Variants in NDUFV2 observed in about 807,000 individuals in gnomAD.
The protein encoded by NDUFV2 is NADH:ubiquinone oxidoreductase core subunit V2.
A neutral mutation model predicts 31.6 loss-of-function variants in NDUFV2; 18 were observed. The ratio of observed to expected loss-of-function variants is 0.57; its 90% CI spans 0.39 to 0.84. NDUFV2 has a LOEUF of 0.84. NDUFV2 is among the 40% of genes least tolerant of loss of function. The pLI, the probability that NDUFV2 is intolerant of heterozygous loss-of-function variation, is 0.00. For missense variants in NDUFV2, 314 were observed against 303.6 expected, an observed-to-expected ratio of 1.03 and a Z score of -0.26; for synonymous variants, 83 against 99.8, an observed-to-expected ratio of 0.83 and a Z score of 1.01.
chr18:9,108,950 A>G (rs752415275), intron 1 of NDUFV2, among the ~76,000 whole-genome samples: 17 of 152,158 alleles, frequency 1.1e-4, no homozygotes, highest in African/African-American at 3.1e-4. Context: ...CTCGGCTCTC[A>G]AAGTGCTGGG....
intron 4 of NDUFV2, among the ~76,000 whole-genome samples, chr18:9,122,157 AGAT>A (rs1474422919): frequency 6.6e-6 from 1 of 152,208 alleles, no homozygotes; most frequent in Non-Finnish European, 1.5e-5. Context: ...CCATTTAGAC[AGAT>A]TATAAAATGT....
At chr18:9,127,121 A>G (rs1366398357) in intron 7 of NDUFV2, among the ~76,000 whole-genome samples, 1 of 152,220 alleles carries the variant, frequency 6.6e-6, no homozygotes, top group Non-Finnish European at 1.5e-5. Context: ...ATAGAGAAGG[A>G]AATTTTACTA....
At chr18:9,119,279 A>G in intron 2 of NDUFV2, 47 bp from the exon 3 acceptor site, 1 of 1,418,650 alleles carries the variant, frequency 7.0e-7, no homozygotes. Context: ...TGTCATTCAC[A>G]CTTGAGAGAA....
At chr18:9,111,004 C>G (rs2077867270) in intron 1 of NDUFV2, among the ~76,000 whole-genome samples, 1 of 152,184 alleles carries the variant, frequency 6.6e-6, no homozygotes, top group Non-Finnish European at 1.5e-5. Context: ...TTAACAGGAG[C>G]ATTGTAAGCC....
chr18:9,133,970 AT>A (rs1329324500), intron 7 of NDUFV2, among the ~76,000 whole-genome samples: 2 of 152,138 alleles, frequency 1.3e-5, no homozygotes, highest in Admixed American at 6.5e-5. Flanking sequence ...CTACTTTTGT[AT>A]TTTTTATGTT....
At position 9,131,766 on chromosome 18, in the gene NDUFV2, C is replaced by T. The variant is rs143477394; in HGVS notation, c.657-2420C>T. On this transcript the variant is annotated intron_variant, in intron 7 of 7. Transcript: ENST00000318388. ...TATAGTGTTGGAATGACTGACGAAC[C>T]ATACTTTTTAAATTTTAGTGAAGAT... Among the ~76,000 whole-genome samples, 906 of 152,178 alleles carry T rather than the reference C, an allele frequency of 6.0e-3. 11 individuals carry two copies. The highest frequency in any genetic ancestry group is 0.021 in the African/African-American group (862 of 41,492).
At chr18:9,129,068 G>C (rs2078017314) in intron 7 of NDUFV2, among the ~76,000 whole-genome samples, 1 of 152,134 alleles carries the variant, frequency 6.6e-6, no homozygotes, top group Non-Finnish European at 1.5e-5. Flanking sequence ...CTCCCGAGCA[G>C]CTGGGACTAT....
chr18:9,123,511 A>G (rs1347074046), intron 5 of NDUFV2, among the ~76,000 whole-genome samples: 15 of 151,182 alleles, frequency 9.9e-5, no homozygotes, highest in Admixed American at 9.9e-4. Flanking sequence ...TTTTGAGTTG[A>G]GGTCTCACTT....
chr18:9,122,535 C>T lies in NDUFV2; in HGVS notation c.323C>T (p.Pro108Leu). 2 of 1,613,656 alleles carry T rather than the reference C, an allele frequency of 1.2e-6. No homozygotes were observed. The highest frequency in any genetic ancestry group is 1.7e-6 in the Non-Finnish European group (2 of 1,179,684). ...TAGGTTGCAGAAGTTTTACAAGTAC[C>T]TCCAATGAGAGTATATGAAGTAGCA... The part of the protein sequence containing the change: ...MNKVAEVLQV[P>L]PMRVYEVATF... Residue 108 changes from proline (P) to leucine (L), a missense_variant, in exon 5 of 8, where the codon CCT (proline) becomes CTT (leucine). Physicochemically the swap from Pro to Leu is moderately conservative, Grantham distance 98 (BLOSUM62 -3). Transcript: ENST00000318388.
chr18:9,128,833 CA>C (rs965000157), intron 7 of NDUFV2, among the ~76,000 whole-genome samples: 26 of 152,300 alleles, frequency 1.7e-4, no homozygotes, highest in African/African-American at 5.5e-4. Context: ...ATCTCAAGTG[CA>C]GATTTCCTTG....
chr18:9,120,281 A>G (rs1290117290), intron 4 of NDUFV2, among the ~76,000 whole-genome samples: 9 of 152,208 alleles, frequency 5.9e-5, no homozygotes, highest in Non-Finnish European at 1.3e-4. Flanking sequence ...TGAGAATCAC[A>G]TAACCATTAA....
intron 1 of NDUFV2, among the ~76,000 whole-genome samples, chr18:9,110,217 C>G (rs956211318): frequency 7.9e-5 from 12 of 152,240 alleles, no homozygotes; most frequent in Admixed American, 4.6e-4. Flanking sequence ...TGGAATGCCT[C>G]TTTATTTCAA....
intron 1 of NDUFV2, chr18:9,104,822 C>A: frequency 2.1e-6 from 2 of 967,750 alleles, no homozygotes; most frequent in Non-Finnish European, 2.8e-6. Context: ...ACACGTCATA[C>A]GTGTGTAGAA....
At chr18:9,112,774 G>A (rs2077878194) in intron 1 of NDUFV2, 1 of 152,226 alleles carries the variant, frequency 6.6e-6, no homozygotes, top group South Asian at 2.1e-4. Context: ...ATGAGCCACT[G>A]TACCCGGCCC....
chr18:9,113,897 A>C (rs2077883967), intron 1 of NDUFV2, among the ~76,000 whole-genome samples: 2 of 152,120 alleles, frequency 1.3e-5, no homozygotes, highest in African/African-American at 2.4e-5. Flanking sequence ...CGGCTGAATA[A>C]AGCCCTTCCT....
chr18:9,104,840 TACTG>T, intron 1 of NDUFV2: 2 of 1,255,388 alleles, frequency 1.6e-6, no homozygotes, highest in Non-Finnish European at 2.1e-6. Flanking sequence ...GAAAAAACAA[TACTG>T]AGACTAGCAA....
chr18:9,118,367 A>C (rs1281000428), intron 2 of NDUFV2, among the ~76,000 whole-genome samples: 1 of 152,134 alleles, frequency 6.6e-6, no homozygotes, highest in African/African-American at 2.4e-5. Flanking sequence ...TTAGTTGCAC[A>C]ATTTGGAAAG....
At chr18:9,104,668 CTCCT>C (rs979950162) in intron 1 of NDUFV2, among the ~76,000 whole-genome samples, 18 of 151,874 alleles carry the variant, frequency 1.2e-4, no homozygotes, top group African/African-American at 2.9e-4. Flanking sequence ...CTCTCCCTCC[CTCCT>C]TCCTTCCTTC....
At chr18:9,104,894 G>A in intron 1 of NDUFV2, 1 of 1,480,304 alleles carries the variant, frequency 6.8e-7, no homozygotes, top group Non-Finnish European at 9.1e-7. Context: ...CCATTGTCTT[G>A]TCAACCTGGA....
Sources: gnomAD v4.1 joint callset for allele counts (sites outside exome capture counted in the v4.1 genomes callset) on GRCh38, gnomAD v4.1.1 for gene constraint, MANE v1.5 for transcripts, NCBI Gene and HGNC (gene_info 2026-07-23, HGNC 2026-07-21) for gene names.